Variants in SENP8 observed in about 807,000 individuals in gnomAD.
SENP8 encodes the protein SUMO peptidase family member, NEDD8 specific, also known as sentrin-specific protease 8.
In SENP8, 10 loss-of-function variants were observed where a neutral mutation model predicts 14.4. That is an observed-to-expected ratio of 0.69 (90% CI 0.43 to 1.18). The LOEUF (loss-of-function observed/expected upper bound fraction) is 1.18, where lower values mean the gene tolerates loss of function less well. Among genes scored for constraint, SENP8 ranks in the 50% most tolerant of loss-of-function variants. The pLI is 0.00. For missense variants in SENP8, 202 were observed against 249.4 expected (o/e 0.81, Z 1.28); for synonymous variants, 94 against 95.5 (o/e 0.98, Z 0.09).
chr15:72,127,900 G>A (rs931127762), intron 1 of SENP8, among the ~76,000 whole-genome samples: 1 of 152,120 alleles, frequency 6.6e-6, no homozygotes, highest in African/African-American at 2.4e-5. Context: ...ATGAGCCTGG[G>A]CAACATAGTG....
intron 1 of SENP8, among the ~76,000 whole-genome samples, chr15:72,127,424 G>C (rs2081231425): frequency 6.6e-6 from 1 of 152,104 alleles, no homozygotes; most frequent in African/African-American, 2.4e-5. Flanking sequence ...ATTACTAGAA[G>C]GTCCAGGCAG....
At chr15:72,138,682 G>A (rs1029435693) in intron 1 of SENP8, among the ~76,000 whole-genome samples, 2 of 151,038 alleles carry the variant, frequency 1.3e-5, no homozygotes, top group Non-Finnish European at 3.0e-5. Flanking sequence ...AAAAAAATAC[G>A]CCAGGTGCGG....
chr15:72,137,734 T>A (rs931103545), intron 1 of SENP8, among the ~76,000 whole-genome samples: 1 of 152,044 alleles, frequency 6.6e-6, no homozygotes, highest in Non-Finnish European at 1.5e-5. Flanking sequence ...GCACTTTGGG[T>A]GGCTGAGGTG....
chr15:72,114,799 A>G (rs751374858), upstream of SENP8, among the ~76,000 whole-genome samples: 5 of 152,188 alleles, frequency 3.3e-5, no homozygotes, highest in Admixed American at 2.6e-4. Flanking sequence ...TGTGGTTTTT[A>G]AAATGTCTGA....
chr15:72,130,729 A>G (rs2081265976), intron 1 of SENP8, among the ~76,000 whole-genome samples: 1 of 151,708 alleles, frequency 6.6e-6, no homozygotes, highest in Admixed American at 6.6e-5. Context: ...ATGCCCAGCT[A>G]ATTTTGTATT....
rs201410832 is a variant in SENP8, at chr15:72,132,460, TG to T, written c.-47-7115del. Among the ~76,000 whole-genome samples, 468 of 152,286 alleles carry T rather than the reference TG, an allele frequency of 3.1e-3. 12 individuals carry two copies. Among genetic ancestry groups the T allele is most frequent in the Admixed American group, 0.027 (411 of 15,298 alleles). On this transcript the variant is annotated intron_variant, in intron 1 of 1. Coordinates refer to ENST00000340912, the MANE Select transcript of SENP8 (RefSeq NM_145204.4). ...TCCCTTTAAAAATATTTCATTCATC[TG>T]GCAAACATTTATTGCACTTCAGATA...
chr15:72,130,050 C>T (rs1036942632), intron 1 of SENP8, among the ~76,000 whole-genome samples: 1 of 151,914 alleles, frequency 6.6e-6, no homozygotes, highest in Admixed American at 6.6e-5. Flanking sequence ...ATTAGCCAAG[C>T]ATTGTGGTAG....
chr15:72,126,390 G>A (rs2081219600), intron 1 of SENP8, among the ~76,000 whole-genome samples: 2 of 152,096 alleles, frequency 1.3e-5, no homozygotes, highest in Admixed American at 6.5e-5. Context: ...CTGAGAGGCC[G>A]AGGTGGGTGG....
Position 72,122,147 on chromosome 15 carries a change from G to C in SENP8, c.-48+3683G>C, listed in dbSNP as rs146864165. The stretch of plus-strand genomic sequence containing the variant: ...AAAGAAGTTTAGTTTAAACACATTA[G>C]CAAAAGAATGGGAGGTCCTCAAGGC... On this transcript the variant is annotated intron_variant, in intron 1 of 1. Transcript: ENST00000340912. Among the ~76,000 whole-genome samples the C allele has an allele frequency of 1.4e-3, 219 of 151,844 alleles. 3 individuals carry two copies. The highest frequency in any genetic ancestry group is 1.9e-3 in the Non-Finnish European group (129 of 67,966).
At chr15:72,117,366 A>C (rs2151275929), upstream of SENP8, among the ~76,000 whole-genome samples, 1 of 152,276 alleles carries the variant, frequency 6.6e-6, no homozygotes, top group African/African-American at 2.4e-5. Context: ...GATGTAACGT[A>C]GTCTAGAAGC....
chr15:72,116,801 CACACG>C (rs2080997112), upstream of SENP8: 1 of 152,092 alleles, frequency 6.6e-6, no homozygotes, highest in Admixed American at 6.5e-5. Context: ...TGGACAACCT[CACACG>C]TTCTACACAG....
chr15:72,140,679 A>C lies in SENP8; in HGVS notation c.*417A>C. 5.7e-6 allele frequency: 1 copy of C among 175,854 alleles called. No individual in the cohort carries two copies. Among genetic ancestry groups the C allele is most frequent in the Non-Finnish European group, 1.4e-5 (1 of 73,374 alleles). The allele number at this position is 175,854 out of a possible 1,614,324, so 10.9% of individuals were successfully genotyped here. On this transcript the variant is annotated 3_prime_UTR_variant, in exon 2 of 2. Transcript: ENST00000340912. ...GGAATGCAGAGAAGAAAACTATAAA[A>C]CAGAACCAAAAACTTGTTGCACAGC...
chr15:72,131,182 C>T (rs1193075807), intron 1 of SENP8, among the ~76,000 whole-genome samples: 5 of 152,102 alleles, frequency 3.3e-5, no homozygotes, highest in African/African-American at 7.2e-5. Flanking sequence ...CCAGCATGGG[C>T]GACACAGCAA....
At chr15:72,118,037 G>A (rs1027367739), upstream of SENP8, 6 of 396,554 alleles carry the variant, frequency 1.5e-5, no homozygotes, top group Non-Finnish European at 2.2e-5. Context: ...TCTCTCAACA[G>A]ACACAGCCAA....
chr15:72,124,104 T>C (rs1192420018), intron 1 of SENP8, among the ~76,000 whole-genome samples: 1 of 152,258 alleles, frequency 6.6e-6, no homozygotes, highest in Non-Finnish European at 1.5e-5. Context: ...CTCTCTGAAA[T>C]ATTGATGTTA....
chr15:72,133,051 A>G (rs2081290359), intron 1 of SENP8, among the ~76,000 whole-genome samples: 1 of 152,096 alleles, frequency 6.6e-6, no homozygotes, highest in Admixed American at 6.6e-5. Context: ...GGCACCTGTA[A>G]TCCCAGCTAC....
chr15:72,134,163 C>G (rs866361191), intron 1 of SENP8, among the ~76,000 whole-genome samples: 1 of 152,224 alleles, frequency 6.6e-6, no homozygotes, highest in Middle Eastern at 3.4e-3. Context: ...CTGGGCTGGT[C>G]TCGAACTCCT....
At position 72,139,632 on chromosome 15, in the gene SENP8, C is replaced by G. The variant is rs139225751; in HGVS notation, c.9C>G (p.Pro3=). The G allele has an allele frequency of 4.5e-4, 723 of 1,613,236 alleles. No individual in the cohort carries two copies. The highest frequency in any genetic ancestry group is 5.5e-4 in the Non-Finnish European group (645 of 1,179,560). The change falls in exon 2 of 2, where the codon CCC becomes CCG. Residue 3 remains proline (P), a synonymous_variant. Transcript: ENST00000340912. Reference sequence around the variant, plus strand: ...GCCCTCGTCAGTACAAGATGGACCCCGTAGTCTTGAGTTACATGGACAGTC... The same window carrying G: ...GCCCTCGTCAGTACAAGATGGACCCGGTAGTCTTGAGTTACATGGACAGTC... The part of the protein sequence containing the change: MD[P]VVLSYMDSLL...
chr15:72,125,607 A>G (rs775169848), intron 1 of SENP8, among the ~76,000 whole-genome samples: 12 of 152,052 alleles, frequency 7.9e-5, no homozygotes, highest in Non-Finnish European at 1.6e-4. Flanking sequence ...CCATACTTCA[A>G]TATACAGATA....
Sources: allele counts gnomAD v4.1 joint callset (sites outside exome capture counted in the v4.1 genomes callset), GRCh38; gene constraint gnomAD v4.1.1; transcripts MANE v1.5; gene names NCBI Gene and HGNC (gene_info 2026-07-23, HGNC 2026-07-21).